The following DNAH11 variants were observed in gnomAD, a reference collection of about 807,000 sequenced individuals.
DNAH11 encodes dynein axonemal heavy chain 11, also known as axonemal beta dynein heavy chain 11.
DNAH11 carries 442 observed loss-of-function variants against 526.0 expected under a neutral mutation model. That is an observed-to-expected ratio of 0.84 (90% CI 0.78 to 0.91). The LOEUF (loss-of-function observed/expected upper bound fraction) is 0.91. Among genes scored for constraint, DNAH11 ranks in the 40% least tolerant of loss-of-function variants. The pLI is 0.00. For synonymous variants in DNAH11, 2,461 were observed against 1,935.9 expected, an observed-to-expected ratio of 1.27 and a Z score of -7.12; for missense variants, 6,989 against 5,448.7, an observed-to-expected ratio of 1.28 and a Z score of -8.90.
chr7:21,900,874 TAAAAATACCACTGACAAGC>T (rs1784774572), intron 81 of DNAH11, 114 bp from the exon 82 acceptor site: 2 of 1,436,550 alleles, frequency 1.4e-6, no homozygotes, highest in African/African-American at 2.9e-5. Context: ...GCCAGCTCAG[TAAAAATACCACTGACAAGC>T]AAAAATATGA....
At chr7:21,742,877 C>T (rs112208621) in intron 49 of DNAH11, among the ~76,000 whole-genome samples, 202 of 152,204 alleles carry the variant, frequency 1.3e-3, no homozygotes, top group African/African-American at 4.5e-3. Flanking sequence ...AATTTTATTT[C>T]TCACAGTTCT....
intron 45 of DNAH11, among the ~76,000 whole-genome samples, chr7:21,730,195 T>C (rs935629624): frequency 9.2e-5 from 14 of 152,310 alleles, no homozygotes; most frequent in Non-Finnish European, 1.6e-4. Flanking sequence ...ACTGCAGCAC[T>C]AGTCACAATA....
At chr7:21,609,360 C>G (rs995461993) in intron 20 of DNAH11, among the ~76,000 whole-genome samples, 1 of 152,088 alleles carries the variant, frequency 6.6e-6, no homozygotes, top group Admixed American at 6.6e-5. Flanking sequence ...GGACCACAGA[C>G]AGGCACGCAC....
At chr7:21,835,954 T>C (rs1457009871) in intron 65 of DNAH11, among the ~76,000 whole-genome samples, 2 of 151,246 alleles carry the variant, frequency 1.3e-5, no homozygotes, top group Admixed American at 1.3e-4. Context: ...CAGTAGTGTT[T>C]CTATACACCA....
chr7:21,763,894 A>G (rs766928784), intron 54 of DNAH11, among the ~76,000 whole-genome samples: 15 of 151,720 alleles, frequency 9.9e-5, no homozygotes, highest in Non-Finnish European at 1.5e-4. Flanking sequence ...GTCAACATGG[A>G]TGAACCTCGA....
At chr7:21,664,075 T>C (rs1049790110) in intron 30 of DNAH11, among the ~76,000 whole-genome samples, 20 of 151,676 alleles carry the variant, frequency 1.3e-4, no homozygotes, top group African/African-American at 4.4e-4. Flanking sequence ...TTTAAGCACT[T>C]CAATTTACAT....
At chr7:21,711,002 A>T (rs1374356487) in intron 41 of DNAH11, among the ~76,000 whole-genome samples, 1 of 152,216 alleles carries the variant, frequency 6.6e-6, no homozygotes, top group African/African-American at 2.4e-5. Flanking sequence ...AAATTATTGT[A>T]TCTTGTCATC....
At chr7:21,623,044 G>T (rs1035848072) in intron 25 of DNAH11, among the ~76,000 whole-genome samples, 1 of 151,652 alleles carries the variant, frequency 6.6e-6, no homozygotes, top group Non-Finnish European at 1.5e-5. Context: ...CTACAAAATG[G>T]GAGAAAATTT....
intron 24 of DNAH11, 37 bp downstream of exon 24, chr7:21,619,259 A>G: frequency 1.3e-6 from 2 of 1,593,500 alleles, no homozygotes; most frequent in Non-Finnish European, 1.7e-6. Flanking sequence ...CTACTTGGCT[A>G]ATTTTGGGTA....
At chr7:21,557,246 A>G (rs953995685) in intron 2 of DNAH11, among the ~76,000 whole-genome samples, 4 of 152,094 alleles carry the variant, frequency 2.6e-5, no homozygotes, top group Non-Finnish European at 5.9e-5. Flanking sequence ...TCAAACTGGC[A>G]GTTTCCTACA....
At chr7:21,737,422 C>T (rs1002363977) in intron 46 of DNAH11, among the ~76,000 whole-genome samples, 2 of 152,162 alleles carry the variant, frequency 1.3e-5, no homozygotes, top group Admixed American at 6.6e-5. Context: ...ATCACACCAA[C>T]TATAGAGAAT....
intron 25 of DNAH11, 121 bp downstream of exon 25, chr7:21,620,199 G>A: frequency 1.1e-6 from 1 of 908,840 alleles, no homozygotes; most frequent in Non-Finnish European, 1.6e-6. Flanking sequence ...GATTAAATCA[G>A]GCTAACCGTC....
At chr7:21,586,251 A>C (rs1327581625) in intron 9 of DNAH11, among the ~76,000 whole-genome samples, 3 of 152,218 alleles carry the variant, frequency 2.0e-5, no homozygotes, top group Non-Finnish European at 4.4e-5. Flanking sequence ...ATAAGTTTTT[A>C]CAAAATAATG....
chr7:21,862,087 T>C, intron 69 of DNAH11, 64 bp downstream of exon 69: 1 of 1,426,468 alleles, frequency 7.0e-7, no homozygotes. Context: ...CTGTTTATTA[T>C]ATATTTTATT....
intron 35 of DNAH11, among the ~76,000 whole-genome samples, chr7:21,694,550 T>C (rs1320216575): frequency 2.0e-5 from 3 of 152,254 alleles, no homozygotes; most frequent in Non-Finnish European, 4.4e-5. Flanking sequence ...TATGGCTGCG[T>C]AGTATTCCAT....
intron 20 of DNAH11, among the ~76,000 whole-genome samples, chr7:21,611,675 C>T (rs1174464129): frequency 1.3e-5 from 2 of 152,134 alleles, no homozygotes; most frequent in African/African-American, 2.4e-5. Context: ...ATAGAAAAGA[C>T]TGGTCACTTG....
chr7:21,748,697 C>A lies in DNAH11; in HGVS notation c.8628C>A (p.Val2876=), dbSNP rs1394890976. Residue 2876 remains valine, a synonymous_variant, in exon 52 of 82, where the codon GTC becomes GTA. Transcript: ENST00000409508. ...CAGCTTACCTTCGTGGCCTTGAGGT[C>A]TTTCAGATCACTCTGACCGAGGGCT... ...RLAAYLRGLE[V]FQITLTEGYG... 1 of 1,613,588 alleles carries A rather than the reference C, an allele frequency of 6.2e-7. No individual in the cohort carries two copies. The highest frequency in any genetic ancestry group is 8.5e-7 in the Non-Finnish European group (1 of 1,179,714).
At chr7:21,861,356 C>G (rs1387375642) in intron 68 of DNAH11, among the ~76,000 whole-genome samples, 1 of 152,194 alleles carries the variant, frequency 6.6e-6, no homozygotes, top group Non-Finnish European at 1.5e-5. Flanking sequence ...TGAAGAGAAT[C>G]TGTACTGCAA....
chr7:21,729,372 G>A (rs1191243138), intron 45 of DNAH11, among the ~76,000 whole-genome samples: 1 of 152,136 alleles, frequency 6.6e-6, no homozygotes, highest in Non-Finnish European at 1.5e-5. Context: ...ATTTCTTTAT[G>A]GAGTCGTTGT....
Sources: gnomAD v4.1 joint callset for allele counts (sites outside exome capture counted in the v4.1 genomes callset) on GRCh38, gnomAD v4.1.1 for gene constraint, MANE v1.5 for transcripts, NCBI Gene and HGNC (gene_info 2026-07-23, HGNC 2026-07-21) for gene names.